CENPP: variants seen among roughly 807,000 people sequenced by gnomAD.
The protein encoded by CENPP is centromere protein P.
In CENPP, 24 loss-of-function variants were observed where a neutral mutation model predicts 35.6. The ratio of observed to expected loss-of-function variants is 0.67; its 90% CI spans 0.49 to 0.95. CENPP has a LOEUF of 0.95. CENPP is among the 40% of genes least tolerant of loss of function. The pLI is 0.00. For synonymous variants in CENPP, 120 were observed against 125.5 expected, an observed-to-expected ratio of 0.96 and a Z score of 0.29; for missense variants, 332 against 345.3, an observed-to-expected ratio of 0.96 and a Z score of 0.31.
chr9:92,482,910 CTT>C (rs879563479), intron 5 of CENPP, among the ~76,000 whole-genome samples: 3 of 141,668 alleles, frequency 2.1e-5, no homozygotes, highest in Admixed American at 7.1e-5. Flanking sequence ...CTTCTCCAGA[CTT>C]TTTTTTTTTT....
Position 92,611,391 on chromosome 9 carries a change from A to C in CENPP, c.642A>C (p.Pro214=), listed in dbSNP as rs370195791. Residue 214 remains proline (P), a splice_region_variant and synonymous_variant, in exon 6 of 8, where the codon CCA becomes CCC. Transcript: ENST00000375587. ...TGGGGATCCGCAGCGCCAGCCGGCCAGGGTGAGCCTGCACAGGCCATGGGG... is the reference window on the plus strand; with the variant it reads ...TGGGGATCCGCAGCGCCAGCCGGCCCGGGTGAGCCTGCACAGGCCATGGGG... The part of the protein sequence containing the change: ...CSMGIRSASR[P]GFELVIVWRI... The C allele has an allele frequency of 1.2e-6, 2 of 1,612,280 alleles. No homozygotes were observed. The highest frequency in any genetic ancestry group is 8.5e-7 in the Non-Finnish European group (1 of 1,179,668).
At chr9:92,466,311 C>G in intron 5 of CENPP, 2 of 1,237,684 alleles carry the variant, frequency 1.6e-6, no homozygotes, top group Non-Finnish European at 1.2e-6. Context: ...TCTACATCTG[C>G]TTGTTTGTTA....
intron 5 of CENPP, among the ~76,000 whole-genome samples, chr9:92,450,292 G>A (rs971080185): frequency 7.6e-6 from 1 of 132,142 alleles, no homozygotes; most frequent in Non-Finnish European, 1.5e-5. Context: ...TCCCCTTCCT[G>A]TGTCCATGTG....
rs953556479 is a variant in CENPP at position 92,618,646 on chromosome 9, A to G, written c.*5497A>G. On this transcript the variant is annotated 3_prime_UTR_variant, in exon 8 of 8. Coordinates refer to ENST00000375587, the MANE Select transcript of CENPP (RefSeq NM_001012267.3). Reference sequence around the variant, plus strand: ...TGTAGGTATTTCCTTAGGGGATAACAGGAGTTTTCAACTAAATAGAACAAC... The same window carrying G: ...TGTAGGTATTTCCTTAGGGGATAACGGGAGTTTTCAACTAAATAGAACAAC... 1.4e-5 allele frequency: 6 copies of G among 442,746 alleles called. No homozygotes were observed. The highest frequency in any genetic ancestry group is 7.9e-5 in the South Asian group (5 of 63,274). 27.4% of individuals were successfully genotyped at this position (442,746 alleles called of 1,614,324 possible). A position where few individuals can be genotyped will look rare whatever the true frequency, so the allele number is the denominator to read the frequency against.
intron 5 of CENPP, among the ~76,000 whole-genome samples, chr9:92,586,061 T>C (rs1850532271): frequency 6.6e-6 from 1 of 152,220 alleles, no homozygotes; most frequent in South Asian, 2.1e-4. Flanking sequence ...TTTTCTCTTT[T>C]TGAGACAGCG....
intron 5 of CENPP, among the ~76,000 whole-genome samples, chr9:92,549,307 G>C (rs1292303786): frequency 6.6e-6 from 1 of 152,196 alleles, no homozygotes; most frequent in Non-Finnish European, 1.5e-5. Context: ...GTCCAGCTGA[G>C]CTACTTGATG....
intron 4 of CENPP, among the ~76,000 whole-genome samples, chr9:92,354,765 A>G (rs1360818224): frequency 6.6e-6 from 1 of 152,194 alleles, no homozygotes; most frequent in Non-Finnish European, 1.5e-5. Context: ...ATATTTCAGC[A>G]TAGGTTCTTT....
chr9:92,588,549 G>A lies in CENPP; in HGVS notation c.565-22765G>A, dbSNP rs1477683829. On this transcript the variant is annotated intron_variant, in intron 5 of 7. Transcript: ENST00000375587. Reference sequence around the variant, plus strand: ...ATTACAGGCGTGAGCCACTGTGCCCGGCCAGCTGTGAGTTTTAAAAGGTTT... The same window carrying A: ...ATTACAGGCGTGAGCCACTGTGCCCAGCCAGCTGTGAGTTTTAAAAGGTTT... 3.9e-5 allele frequency among the ~76,000 whole-genome samples: 6 copies of A among 152,180 alleles called. No individual in the cohort carries two copies. The South Asian group carries it at 6.2e-4, about 16-fold the overall frequency.
intron 5 of CENPP, among the ~76,000 whole-genome samples, chr9:92,555,933 G>C (rs1054539885): frequency 1.4e-4 from 21 of 151,718 alleles, no homozygotes; most frequent in African/African-American, 4.8e-4. Flanking sequence ...TCTTCTGCTG[G>C]GTCTGTGTTT....
intron 5 of CENPP, among the ~76,000 whole-genome samples, chr9:92,449,168 T>G (rs1234243054): frequency 6.6e-6 from 1 of 151,764 alleles, no homozygotes; most frequent in African/African-American, 2.4e-5. Flanking sequence ...ACAGGCTGGG[T>G]GTGGTGGCTC....
chr9:92,612,378 G>A, intron 6 of CENPP, 145 bp from the exon 7 acceptor site: 1 of 663,162 alleles, frequency 1.5e-6, no homozygotes, highest in Admixed American at 2.2e-5. Flanking sequence ...CTGTGCTACT[G>A]ACTGTGCCTC....
intron 5 of CENPP, among the ~76,000 whole-genome samples, chr9:92,427,666 G>A (rs1433001954): frequency 1.3e-5 from 2 of 151,286 alleles, no homozygotes; most frequent in Non-Finnish European, 2.9e-5. Flanking sequence ...TTTCAGTAGA[G>A]TCGGGGGTTT....
intron 4 of CENPP, among the ~76,000 whole-genome samples, chr9:92,354,769 G>T (rs1841547502): frequency 1.3e-5 from 2 of 152,266 alleles, no homozygotes; most frequent in African/African-American, 2.4e-5. Flanking sequence ...TTCAGCATAG[G>T]TTCTTTCTAT....
chr9:92,608,611 T>C (rs190183311), intron 5 of CENPP, among the ~76,000 whole-genome samples: 16 of 152,326 alleles, frequency 1.1e-4, no homozygotes, highest in Admixed American at 9.8e-4. Context: ...TGTACATGTG[T>C]GCCAATGAGA....
At chr9:92,448,856 G>A (rs1184039746) in intron 5 of CENPP, among the ~76,000 whole-genome samples, 2 of 152,170 alleles carry the variant, frequency 1.3e-5, no homozygotes, top group East Asian at 3.9e-4. Context: ...AATAAGCTGA[G>A]TTTTGGGCAA....
chr9:92,595,415 A>AT (rs1196598762), intron 5 of CENPP, among the ~76,000 whole-genome samples: 1 of 149,898 alleles, frequency 6.7e-6, no homozygotes, highest in Non-Finnish European at 1.5e-5. Context: ...CTAATTTTTT[A>AT]TTTTTTGTGG....
intron 4 of CENPP, among the ~76,000 whole-genome samples, chr9:92,351,579 T>G (rs1841445250): frequency 6.6e-6 from 1 of 152,190 alleles, no homozygotes; most frequent in Non-Finnish European, 1.5e-5. Flanking sequence ...GTGATTTTGA[T>G]TAATACTATC....
chr9:92,406,734 T>C (rs1242231907), intron 5 of CENPP, among the ~76,000 whole-genome samples: 1 of 152,140 alleles, frequency 6.6e-6, no homozygotes, highest in Non-Finnish European at 1.5e-5. Context: ...AATGTGAAAC[T>C]GTGGACGTAA....
chr9:92,325,935 G>C, upstream of CENPP: 2 of 1,396,524 alleles, frequency 1.4e-6, no homozygotes, highest in Admixed American at 2.0e-5. Context: ...CTTGAAGCGC[G>C]GGTGAAGCGC....
Sources: allele counts gnomAD v4.1 joint callset (sites outside exome capture counted in the v4.1 genomes callset), GRCh38; gene constraint gnomAD v4.1.1; transcripts MANE v1.5; gene names NCBI Gene and HGNC (gene_info 2026-07-23, HGNC 2026-07-21).